Variants in DOCK1 observed in about 807,000 individuals in gnomAD.
The protein encoded by DOCK1 is dedicator of cytokinesis 1.
A neutral mutation model predicts 262.7 loss-of-function variants in DOCK1; 138 were observed. The observed-to-expected ratio is 0.53, with a 90% CI of 0.46 to 0.61. DOCK1 has a LOEUF of 0.61. DOCK1 is among the 20% of genes least tolerant of loss of function. DOCK1 has a pLI of 0.00. For missense variants in DOCK1, 1,908 were observed against 2,370.7 expected, an observed-to-expected ratio of 0.80 and a Z score of 4.05; for synonymous variants, 866 against 867.4, an observed-to-expected ratio of 1.00 and a Z score of 0.03.
chr10:126,980,193 T>A (rs1007586219), intron 3 of DOCK1, among the ~76,000 whole-genome samples: 1 of 151,976 alleles, frequency 6.6e-6, no homozygotes, highest in African/African-American at 2.4e-5. Flanking sequence ...TTTTTTAAGT[T>A]AATGTTTTAT....
At chr10:127,290,058 T>C (rs1255253003) in intron 29 of DOCK1, among the ~76,000 whole-genome samples, 7 of 152,130 alleles carry the variant, frequency 4.6e-5, no homozygotes, top group Non-Finnish European at 1.0e-4. Flanking sequence ...AATTGGAAAC[T>C]AAAATTTCCT....
chr10:127,206,434 G>A (rs184801665), intron 27 of DOCK1, among the ~76,000 whole-genome samples: 26 of 152,260 alleles, frequency 1.7e-4, no homozygotes, highest in African/African-American at 5.8e-4. Flanking sequence ...GTGAGCCACC[G>A]CGCCCGGCCT....
intron 27 of DOCK1, among the ~76,000 whole-genome samples, chr10:127,145,250 AG>A (rs1424230893): frequency 2.0e-5 from 3 of 152,132 alleles, no homozygotes; most frequent in Non-Finnish European, 4.4e-5. Flanking sequence ...CGAGGAGCAG[AG>A]GCAGACCCAA....
chr10:127,103,987 T>C (rs1241977173), intron 23 of DOCK1, among the ~76,000 whole-genome samples: 3 of 152,356 alleles, frequency 2.0e-5, no homozygotes, highest in East Asian at 3.9e-4. Context: ...GCTTGTATCT[T>C]ATTGTCATTT....
chr10:127,396,275 G>A (rs1416986456), intron 38 of DOCK1, among the ~76,000 whole-genome samples: 1 of 152,226 alleles, frequency 6.6e-6, no homozygotes, highest in Non-Finnish European at 1.5e-5. Flanking sequence ...CCAGGTCACA[G>A]CTGCAGTGAT....
chr10:127,404,224 T>A, intron 39 of DOCK1, 101 bp from the exon 40 acceptor site: 4 of 822,956 alleles, frequency 4.9e-6, no homozygotes, highest in Non-Finnish European at 3.9e-6. Context: ...CCTCCCACCC[T>A]ATAGAAGTTG....
chr10:127,080,198 CCTT>C (rs2136002950), intron 23 of DOCK1, among the ~76,000 whole-genome samples: 1 of 149,150 alleles, frequency 6.7e-6, no homozygotes, highest in Non-Finnish European at 1.5e-5. Context: ...ATGTATGAGT[CCTT>C]CTTAACTCTC....
chr10:127,194,683 G>A (rs965677041), intron 27 of DOCK1, among the ~76,000 whole-genome samples: 13 of 152,146 alleles, frequency 8.5e-5, no homozygotes, highest in African/African-American at 2.7e-4. Flanking sequence ...ACTGAGATAA[G>A]GCATGGAAAG....
At chr10:127,443,329 TA>T (rs1424683188) in intron 49 of DOCK1, among the ~76,000 whole-genome samples, 1 of 81,862 alleles carries the variant, frequency 1.2e-5, no homozygotes, top group Non-Finnish European at 3.2e-5. Flanking sequence ...GTAAAGTAGG[TA>T]AAGTAGGCTT....
intron 29 of DOCK1, among the ~76,000 whole-genome samples, chr10:127,267,389 A>G (rs1397968953): frequency 2.0e-5 from 3 of 152,196 alleles, no homozygotes; most frequent in Non-Finnish European, 4.4e-5. Flanking sequence ...TAATTTCCAG[A>G]GTTTTACCTG....
At chr10:127,294,324 T>C (rs2061436515) in intron 29 of DOCK1, among the ~76,000 whole-genome samples, 1 of 152,184 alleles carries the variant, frequency 6.6e-6, no homozygotes. Context: ...TTGTTTTGTT[T>C]TTTGTTTTTT....
At chr10:127,314,818 G>A (rs2062204085) in intron 29 of DOCK1, among the ~76,000 whole-genome samples, 2 of 152,172 alleles carry the variant, frequency 1.3e-5, no homozygotes, top group Non-Finnish European at 2.9e-5. Context: ...CACCCTCCTA[G>A]GGGAGGCAGG....
intron 1 of DOCK1, among the ~76,000 whole-genome samples, chr10:126,927,014 T>C (rs2033786036): frequency 6.6e-6 from 1 of 152,218 alleles, no homozygotes; most frequent in African/African-American, 2.4e-5. Flanking sequence ...TTTCTGTTAG[T>C]GGGCAATTGA....
chr10:127,167,418 G>A (rs1198021272), intron 27 of DOCK1, among the ~76,000 whole-genome samples: 1 of 152,184 alleles, frequency 6.6e-6, no homozygotes, highest in Non-Finnish European at 1.5e-5. Context: ...GAGAGATAAG[G>A]AATTGATGAA....
chr10:127,336,741 G>A (rs894035525), intron 29 of DOCK1, among the ~76,000 whole-genome samples: 25 of 152,120 alleles, frequency 1.6e-4, no homozygotes, highest in African/African-American at 2.2e-4. Flanking sequence ...GGGTTTCACT[G>A]TGTTAGCCAG....
At chr10:126,916,037 G>A (rs570330529) in intron 1 of DOCK1, among the ~76,000 whole-genome samples, 28 of 152,302 alleles carry the variant, frequency 1.8e-4, no homozygotes, top group African/African-American at 6.3e-4. Flanking sequence ...AAAGTTAGGC[G>A]TTGGGACACT....
At chr10:126,994,402 A>G (rs1170112284) in intron 6 of DOCK1, among the ~76,000 whole-genome samples, 1 of 152,082 alleles carries the variant, frequency 6.6e-6, no homozygotes, top group Non-Finnish European at 1.5e-5. Flanking sequence ...ACAATAGTGG[A>G]GGGAAGGTCA....
chr10:127,089,548 C>T lies in DOCK1; in HGVS notation c.2446-16683C>T, dbSNP rs190955435. 4.1e-3 allele frequency among the ~76,000 whole-genome samples: 629 copies of T among 152,298 alleles called. 24 individuals are homozygous for T. The highest frequency in any genetic ancestry group is 6.2e-4 in the Non-Finnish European group (42 of 68,034). On this transcript the variant is annotated intron_variant, in intron 23 of 51. Transcript: ENST00000623213. ...CAGGAAAACGGAGGATTCTGACCCC[C>T]ACACCTAAGATAATAGGAAAGAGCC...
rs145447357 is a variant in DOCK1 at position 127,270,991 on chromosome 10, A to ATGTGTG, written c.3044+13564_3044+13569dup. Among the ~76,000 whole-genome samples, 85 of 111,796 alleles carry ATGTGTG rather than the reference A, an allele frequency of 7.6e-4. 1 individual carries two copies. Among genetic ancestry groups the ATGTGTG allele is most frequent in the East Asian group, 6.7e-3 (26 of 3,886 alleles). 73.3% of individuals were successfully genotyped at this position (111,796 alleles called of 152,430 possible). A position where few individuals can be genotyped will look rare whatever the true frequency, so the allele number is the denominator to read the frequency against. ...TTTCTATGCTTAACAAAAGTTATAT[A>ATGTGTG]TGTGTGTATGTGTGTGTGTGTGTGT... is the stretch of plus-strand genomic sequence containing the variant. On this transcript the variant is annotated intron_variant, in intron 29 of 51. Coordinates refer to ENST00000623213, the MANE Select transcript of DOCK1 (RefSeq NM_001290223.2).
Sources: allele counts gnomAD v4.1 joint callset (sites outside exome capture counted in the v4.1 genomes callset), GRCh38; gene constraint gnomAD v4.1.1; transcripts MANE v1.5; gene names NCBI Gene and HGNC (gene_info 2026-07-23, HGNC 2026-07-21).